BNIP2: variants seen among roughly 807,000 people sequenced by gnomAD.
BNIP2 encodes BCL2/adenovirus E1B 19 kDa protein-interacting protein 2.
BNIP2 carries 36 observed loss-of-function variants against 43.4 expected under a neutral mutation model. The observed-to-expected ratio is 0.83, with a 90% CI of 0.64 to 1.10. BNIP2 has a LOEUF of 1.10. BNIP2 is among the 50% of genes least tolerant of loss of function. The pLI is 0.00. For synonymous variants in BNIP2, 146 were observed against 121.0 expected (o/e 1.21, Z -1.35); for missense variants, 417 against 374.1 (o/e 1.11, Z -0.95).
intron 9 of BNIP2, 29 bp from the exon 10 acceptor site, chr15:59,664,149 A>G: frequency 7.0e-7 from 1 of 1,420,898 alleles, no homozygotes; most frequent in East Asian, 2.5e-5. Context: ...ATAAAATAAG[A>G]AACCAGCAAC....
chr15:59,666,199 T>C (rs1252604472), intron 9 of BNIP2, among the ~76,000 whole-genome samples: 1 of 152,186 alleles, frequency 6.6e-6, no homozygotes, highest in Non-Finnish European at 1.5e-5. Flanking sequence ...GTTGTCAACA[T>C]TTCTTCAACC....
intron 9 of BNIP2, chr15:59,668,034 A>G (rs933061980): frequency 1.9e-5 from 20 of 1,072,304 alleles, no homozygotes; most frequent in Non-Finnish European, 2.4e-5. Flanking sequence ...TAACCAACCA[A>G]TAAGGAAGAG....
intron 4 of BNIP2, chr15:59,678,857 A>C: frequency 1.5e-6 from 2 of 1,302,968 alleles, no homozygotes; most frequent in East Asian, 5.6e-5. Context: ...TAAAGAAAGA[A>C]GAGACAAAAC....
At chr15:59,682,694 A>G (rs1445983236) in intron 1 of BNIP2, among the ~76,000 whole-genome samples, 180 bp from the exon 2 acceptor site, 5 of 151,904 alleles carry the variant, frequency 3.3e-5, no homozygotes, top group African/African-American at 4.8e-5. Flanking sequence ...CTCAGACTAC[A>G]TATATTCTGG....
chr15:59,687,952 T>G (rs1001849156), intron 1 of BNIP2, among the ~76,000 whole-genome samples: 3 of 152,222 alleles, frequency 2.0e-5, no homozygotes, highest in African/African-American at 7.2e-5. Context: ...TCCAGTGCAC[T>G]GGCAATTTTA....
At chr15:59,671,672 C>G (rs999863535) in intron 6 of BNIP2, among the ~76,000 whole-genome samples, 5 of 152,160 alleles carry the variant, frequency 3.3e-5, no homozygotes. Flanking sequence ...TTTTTAAAAA[C>G]TGCACTAACC....
intron 5 of BNIP2, among the ~76,000 whole-genome samples, chr15:59,676,037 T>G (rs917275921): frequency 6.6e-6 from 1 of 152,170 alleles, no homozygotes; most frequent in African/African-American, 2.4e-5. Context: ...TTTATATATA[T>G]GGGTATATAT....
intron 1 of BNIP2, among the ~76,000 whole-genome samples, chr15:59,687,325 T>C (rs142713539): frequency 3.8e-4 from 58 of 151,960 alleles, no homozygotes; most frequent in African/African-American, 1.4e-3. Flanking sequence ...ACTTACTTCA[T>C]AGGATGTAAC....
At chr15:59,678,155 C>CGT in intron 4 of BNIP2, 68 bp from the exon 5 acceptor site, 1 of 1,479,692 alleles carries the variant, frequency 6.8e-7, no homozygotes. Flanking sequence ...ACGTTAACCA[C>CGT]TTTACTACCT....
intron 5 of BNIP2, among the ~76,000 whole-genome samples, chr15:59,675,601 T>G (rs757228363): frequency 1.3e-5 from 2 of 152,150 alleles, no homozygotes; most frequent in African/African-American, 4.8e-5. Context: ...AGCAAGACTC[T>G]GTCTCAAAAC....
chr15:59,679,083 T>C (rs1249086789), intron 4 of BNIP2, among the ~76,000 whole-genome samples: 1 of 152,192 alleles, frequency 6.6e-6, no homozygotes, highest in Non-Finnish European at 1.5e-5. Flanking sequence ...ATATATAAGA[T>C]ACTGTAGACA....
At chr15:59,682,574 G>C in intron 1 of BNIP2, 60 bp from the exon 2 acceptor site, 1 of 1,340,946 alleles carries the variant, frequency 7.5e-7, no homozygotes, top group Non-Finnish European at 1.0e-6. Context: ...CACTGAAAAG[G>C]CGTAATAATC....
Position 59,668,979 on chromosome 15 carries a change from C to T in BNIP2, c.806G>A (p.Ser269Asn). The change falls in exon 9 of 10, where the codon AGC (serine) becomes AAC (asparagine). Residue 269 changes from serine (S) to asparagine (N), a missense_variant. Transcript: ENST00000607373. The part of the protein sequence containing the change: ...VTRPFISSKF[S>N]QKIRYVFNLA... ...ATTAAACACGTATCTAATTTTTTGG[C>T]TGAATTTCGAGCTATGGAAGAAAAT... 1 of 1,612,992 alleles carries T rather than the reference C, an allele frequency of 6.2e-7. No individual in the cohort carries two copies. The highest frequency in any genetic ancestry group is 1.3e-5 in the African/African-American group (1 of 74,986).
At chr15:59,685,167 C>G (rs1893931651) in intron 1 of BNIP2, among the ~76,000 whole-genome samples, 2 of 152,212 alleles carry the variant, frequency 1.3e-5, no homozygotes, top group African/African-American at 4.8e-5. Flanking sequence ...CCATTCCTTT[C>G]AGCTGCTTAA....
At chr15:59,673,036 G>A (rs936931207) in intron 5 of BNIP2, among the ~76,000 whole-genome samples, 1 of 151,838 alleles carries the variant, frequency 6.6e-6, no homozygotes, top group South Asian at 2.1e-4. Context: ...CAAATATAGT[G>A]ATATAACCCA....
At chr15:59,665,041 G>A (rs1892484466) in intron 9 of BNIP2, among the ~76,000 whole-genome samples, 3 of 152,224 alleles carry the variant, frequency 2.0e-5, no homozygotes, top group East Asian at 1.9e-4. Flanking sequence ...CTAGGCGGGT[G>A]GATCACGAGG....
rs191251775 is a variant in BNIP2 at position 59,686,146 on chromosome 15, A to C, written c.-58+2989T>G. 2.6e-5 allele frequency among the ~76,000 whole-genome samples: 4 copies of C among 152,350 alleles called. No individual in the cohort carries two copies. In the East Asian group the frequency reaches 7.7e-4, roughly 29 times the overall value. ...ACCTTAGGTTAAAAATCAAAGAGAT[A>C]ATTGATTCCTTCTGACATAGCTTCA... On this transcript the variant is annotated intron_variant, in intron 1 of 9. Transcript: ENST00000607373.
intron 1 of BNIP2, chr15:59,688,610 C>A (rs770045477): frequency 1.7e-6 from 2 of 1,203,352 alleles, no homozygotes. Context: ...TCTAGATTCA[C>A]GCGGGGACTC....
chr15:59,672,432 C>G, intron 6 of BNIP2: 1 of 423,184 alleles, frequency 2.4e-6, no homozygotes, highest in Non-Finnish European at 4.3e-6. Flanking sequence ...TACTACCATG[C>G]CTGGCTAATT....
Sources: allele counts gnomAD v4.1 joint callset (sites outside exome capture counted in the v4.1 genomes callset), GRCh38; gene constraint gnomAD v4.1.1; transcripts MANE v1.5; gene names NCBI Gene and HGNC (gene_info 2026-07-23, HGNC 2026-07-21).